The following PARP11 variants were observed in gnomAD, a reference collection of about 807,000 sequenced individuals.
The protein encoded by PARP11 is protein mono-ADP-ribosyltransferase PARP11.
Under a neutral mutation model 42.9 loss-of-function variants are expected in PARP11, and 31 were observed. The observed-to-expected ratio is 0.72, with a 90% CI of 0.54 to 0.98. The LOEUF (loss-of-function observed/expected upper bound fraction) is 0.98, where lower values mean the gene tolerates loss of function less well. PARP11 is among the 50% of genes least tolerant of loss of function. The probability of loss-of-function intolerance (pLI) is 0.00; values close to 1 mark genes in which losing one functional copy is unlikely to be tolerated. For missense variants in PARP11, 365 were observed against 413.1 expected, an observed-to-expected ratio of 0.88 and a Z score of 1.01; for synonymous variants, 137 against 127.3, an observed-to-expected ratio of 1.08 and a Z score of -0.51.
chr12:3,829,290 A>T (rs1591769925), intron 2 of PARP11, among the ~76,000 whole-genome samples: 1 of 152,204 alleles, frequency 6.6e-6, no homozygotes, highest in Non-Finnish European at 1.5e-5. Context: ...ATTTTTCCAG[A>T]TAATTACAAT....
chr12:3,841,920 G>C, intron 1 of PARP11: 1 of 1,607,618 alleles, frequency 6.2e-7, no homozygotes, highest in Non-Finnish European at 8.5e-7. Flanking sequence ...CAGCAGCCAG[G>C]AGTGAACATG....
chr12:3,816,639 A>C (rs1361421483), intron 6 of PARP11, among the ~76,000 whole-genome samples: 2 of 152,234 alleles, frequency 1.3e-5, no homozygotes, highest in East Asian at 3.8e-4. Flanking sequence ...AGTATCATAC[A>C]TAATGCCAGG....
intron 1 of PARP11, among the ~76,000 whole-genome samples, chr12:3,856,749 A>G (rs1591534741): frequency 6.6e-6 from 1 of 152,210 alleles, no homozygotes; most frequent in East Asian, 1.9e-4. Flanking sequence ...AACTAGAAAT[A>G]CTATTTGACC....
At position 3,822,131 on chromosome 12, in the gene PARP11, G is replaced by A. The variant is rs956054384; in HGVS notation, c.371C>T (p.Pro124Leu). ...FSYICENEAI[P>L]MPPHWENVNT... is the part of the protein sequence containing the mutation. ...CACATTCTCCCAGTGTGGTGGCATA[G>A]GGATGGCCTCGTTTTCACAGATGTA... The change falls in exon 5 of 8, where the codon CCT (proline) becomes CTT (leucine). Residue 124 changes from proline (P) to leucine (L), a missense_variant. Transcript: ENST00000228820. The A allele has an allele frequency of 6.2e-7, 1 of 1,613,816 alleles. No homozygotes were observed. The highest frequency in any genetic ancestry group is 8.5e-7 in the Non-Finnish European group (1 of 1,179,868).
intron 6 of PARP11, chr12:3,814,862 C>A (rs1041085468): frequency 7.1e-6 from 2 of 282,376 alleles, no homozygotes. Flanking sequence ...CATAGTAAAT[C>A]TTAAAAAATA....
intron 1 of PARP11, among the ~76,000 whole-genome samples, chr12:3,834,897 C>G (rs1433239011): frequency 3.3e-5 from 5 of 152,160 alleles, no homozygotes; most frequent in African/African-American, 9.6e-5. Flanking sequence ...ATACACGTAC[C>G]CACTGACAGA....
intron 6 of PARP11, among the ~76,000 whole-genome samples, chr12:3,816,165 G>C (rs1316072831): frequency 1.3e-5 from 2 of 151,992 alleles, no homozygotes; most frequent in African/African-American, 4.8e-5. Context: ...AGGCGCATTT[G>C]TTCCCTTTAT....
intron 1 of PARP11, among the ~76,000 whole-genome samples, chr12:3,869,450 T>C (rs1948439287): frequency 6.6e-6 from 1 of 152,226 alleles, no homozygotes. Context: ...AATCCATGCA[T>C]GGCCTGGTTC....
intron 5 of PARP11, 21 bp downstream of exon 5, chr12:3,822,064 T>A: frequency 6.2e-7 from 1 of 1,612,276 alleles, no homozygotes; most frequent in African/African-American, 1.3e-5. Flanking sequence ...CATGGGTATA[T>A]TCAGTCAATT....
rs1049148837 is a variant in PARP11 at position 3,809,764 on chromosome 12, C to T, written c.*2359G>A. ...TGTCTCTAACATTGTTTTTTGTGAA[C>T]GGGTTTAGAGCCATGGTATGCTGCC... On this transcript the variant is annotated 3_prime_UTR_variant, in exon 8 of 8. Transcript: ENST00000228820. 3 of 152,084 alleles carry T rather than the reference C, an allele frequency of 2.0e-5. No homozygotes were observed. The highest frequency in any genetic ancestry group is 2.0e-4 in the Admixed American group (3 of 15,270). The allele number at this position is 152,084 out of a possible 1,614,324, so 9.4% of individuals were successfully genotyped here. A position where few individuals can be genotyped will look rare whatever the true frequency, so the allele number is the denominator to read the frequency against.
intron 3 of PARP11, 128 bp from the exon 4 acceptor site, chr12:3,826,361 A>G (rs1782775234): frequency 1.7e-6 from 1 of 605,188 alleles, no homozygotes; most frequent in Admixed American, 3.2e-5. Flanking sequence ...TGGCAAGCAT[A>G]GTGTATTATG....
chr12:3,841,064 C>A (rs933168603), intron 1 of PARP11: 2 of 1,602,552 alleles, frequency 1.2e-6, no homozygotes, highest in South Asian at 1.1e-5. Context: ...TCTGCTGTAT[C>A]CCAAACTCAT....
At chr12:3,841,653 T>C (rs1158583059) in intron 1 of PARP11, 1 of 1,613,540 alleles carries the variant, frequency 6.2e-7, no homozygotes, top group Non-Finnish European at 8.5e-7. Context: ...ATGCTGATTA[T>C]GAAGAGTCAC....
chr12:3,871,164 T>C (rs891595165), intron 1 of PARP11, among the ~76,000 whole-genome samples: 2 of 152,210 alleles, frequency 1.3e-5, no homozygotes, highest in African/African-American at 4.8e-5. Flanking sequence ...TATCTGGAAA[T>C]ATATTCCAGA....
intron 1 of PARP11, among the ~76,000 whole-genome samples, chr12:3,869,829 G>A (rs1948444630): frequency 6.6e-6 from 1 of 152,182 alleles, no homozygotes; most frequent in African/African-American, 2.4e-5. Context: ...ATAAAGGCTG[G>A]AGCCTAGTCT....
intron 1 of PARP11, among the ~76,000 whole-genome samples, chr12:3,832,948 C>A (rs557906436): frequency 6.6e-6 from 1 of 152,288 alleles, no homozygotes; most frequent in East Asian, 1.9e-4. Context: ...GTAATGTTAT[C>A]TGTTACAAAG....
intron 1 of PARP11, among the ~76,000 whole-genome samples, chr12:3,867,277 T>A (rs1017759671): frequency 2.0e-5 from 3 of 152,174 alleles, no homozygotes; most frequent in African/African-American, 7.2e-5. Context: ...TTAAACATCA[T>A]CAAATATTGA....
intron 1 of PARP11, among the ~76,000 whole-genome samples, chr12:3,854,612 AG>A (rs1241921914): frequency 1.3e-5 from 2 of 152,338 alleles, no homozygotes; most frequent in African/African-American, 4.8e-5. Flanking sequence ...TGAATAGACC[AG>A]TAACAGGATC....
intron 1 of PARP11, among the ~76,000 whole-genome samples, chr12:3,869,827 T>C (rs1191752233): frequency 6.6e-6 from 1 of 152,258 alleles, no homozygotes; most frequent in Admixed American, 6.5e-5. Context: ...CCATAAAGGC[T>C]GGAGCCTAGT....
Sources: gnomAD v4.1 joint callset for allele counts (sites outside exome capture counted in the v4.1 genomes callset) on GRCh38, gnomAD v4.1.1 for gene constraint, MANE v1.5 for transcripts, NCBI Gene and HGNC (gene_info 2026-07-23, HGNC 2026-07-21) for gene names.